The following RAB4B variants were observed in gnomAD, a reference collection of about 807,000 sequenced individuals.
RAB4B encodes ras-related protein Rab-4B.
Under a neutral mutation model 28.3 loss-of-function variants are expected in RAB4B, and 15 were observed. The observed-to-expected ratio is 0.53, with a 90% CI of 0.35 to 0.82. The LOEUF (loss-of-function observed/expected upper bound fraction) is 0.82. Ranked by LOEUF, RAB4B falls within the 40% of genes least tolerant of loss-of-function variation. The pLI is 0.01. For synonymous variants in RAB4B, 108 were observed against 116.3 expected (o/e 0.93, Z 0.46); for missense variants, 244 against 288.5 (o/e 0.85, Z 1.12).
chr19:40,790,736 C>T (rs191873410), intron 7 of RAB4B, among the ~76,000 whole-genome samples: 11 of 147,730 alleles, frequency 7.4e-5, no homozygotes, highest in African/African-American at 2.0e-4. Context: ...GGCTAGAGTG[C>T]AGTGGCGCCA....
chr19:40,793,084 G>A (rs547807335), intron 7 of RAB4B, among the ~76,000 whole-genome samples: 34 of 151,634 alleles, frequency 2.2e-4, no homozygotes, highest in Admixed American at 1.1e-3. Context: ...GCCTCAGAAC[G>A]TTTTCATTAC....
chr19:40,790,937 C>A (rs1305379092), intron 7 of RAB4B, among the ~76,000 whole-genome samples: 1 of 150,044 alleles, frequency 6.7e-6, no homozygotes, highest in Non-Finnish European at 1.5e-5. Context: ...CTCACTGCAA[C>A]CTCCGCCTCC....
At chr19:40,782,576 G>A (rs2083058820) in intron 3 of RAB4B, among the ~76,000 whole-genome samples, 1 of 152,160 alleles carries the variant, frequency 6.6e-6, no homozygotes, top group Non-Finnish European at 1.5e-5. Flanking sequence ...ACTTTGGGAG[G>A]CCTAGGCGGG....
intron 1 of RAB4B, chr19:40,779,078 C>T (rs1350597015): frequency 8.3e-6 from 8 of 961,388 alleles, no homozygotes; most frequent in Non-Finnish European, 9.9e-6. Context: ...TTGTCATTTT[C>T]AGGGAATAGA....
At chr19:40,783,338 G>A (rs1254529037) in intron 3 of RAB4B, among the ~76,000 whole-genome samples, 2 of 151,890 alleles carry the variant, frequency 1.3e-5, no homozygotes, top group East Asian at 3.9e-4. Flanking sequence ...ATAGGCTGAG[G>A]TGGGAGGATC....
rs1356005741 is a variant in RAB4B, at chr19:40,778,367, G to T, written c.-9G>T. ...CCATATTGCGGCCCTCAGCGGCCGC[G>T]ACCGAGTCATGGCTGAGACCTACGG... On this transcript the variant is annotated 5_prime_UTR_variant, in exon 1 of 8. Transcript: ENST00000357052. 4 of 1,485,012 alleles carry T rather than the reference G, an allele frequency of 2.7e-6. No homozygotes were observed. The highest frequency in any genetic ancestry group is 3.6e-6 in the Non-Finnish European group (4 of 1,125,912). The allele number at this position is 1,485,012 out of a possible 1,614,324, so 92.0% of individuals were successfully genotyped here.
Position 40,778,296 on chromosome 19 carries a change from C to T in RAB4B, c.-80C>T. 2.2e-6 allele frequency: 3 copies of T among 1,390,198 alleles called. No homozygotes were observed. The highest frequency in any genetic ancestry group is 2.9e-6 in the Non-Finnish European group (3 of 1,041,532). The allele number at this position is 1,390,198 out of a possible 1,614,324, so 86.1% of individuals were successfully genotyped here. A position where few individuals can be genotyped will look rare whatever the true frequency, so the allele number is the denominator to read the frequency against. On this transcript the variant is annotated 5_prime_UTR_variant, in exon 1 of 8. Transcript: ENST00000357052. The stretch of plus-strand genomic sequence containing the variant: ...GAGTAGGAAGGAGCCGGGGCTGTAG[C>T]CGGAGTGGAGCGGCTGCCAGCCGAG...
At chr19:40,783,163 A>AG (rs2083065767) in intron 3 of RAB4B, among the ~76,000 whole-genome samples, 1 of 151,246 alleles carries the variant, frequency 6.6e-6, no homozygotes, top group Middle Eastern at 3.4e-3. Flanking sequence ...AAAAAAAAAA[A>AG]AAAAAAAAAG....
At chr19:40,780,565 T>C (rs1266199278) in intron 3 of RAB4B, 66 bp downstream of exon 3, 1 of 1,378,818 alleles carries the variant, frequency 7.3e-7, no homozygotes, top group Non-Finnish European at 1.0e-6. Context: ...GAGATGTGTG[T>C]GTAGAGTCAC....
Position 40,793,565 on chromosome 19 carries a change from CTTTTT to C in RAB4B, c.*16-3003_*16-2999del, listed in dbSNP as rs1269603015. On this transcript the variant is annotated intron_variant, in intron 7 of 7. Transcript: ENST00000357052. ...CTCTTTTCCTTTTTTCTTTTCTTTTCTTTTTTGTTTTTTTTTTTTTTTTTTTTTTT... is the reference window on the plus strand; with the variant it reads ...CTCTTTTCCTTTTTTCTTTTCTTTTCTGTTTTTTTTTTTTTTTTTTTTTTT... Among the ~76,000 whole-genome samples the C allele has an allele frequency of 2.2e-4, 27 of 123,870 alleles. No homozygotes were observed. The South Asian group carries it at 5.2e-3, about 24-fold the overall frequency. 81.3% of individuals were successfully genotyped at this position (123,870 alleles called of 152,430 possible). A position where few individuals can be genotyped will look rare whatever the true frequency, so the allele number is the denominator to read the frequency against.
intron 1 of RAB4B, chr19:40,779,183 T>G (rs2083024238): frequency 4.3e-6 from 1 of 233,288 alleles, no homozygotes; most frequent in Non-Finnish European, 7.0e-6. Context: ...TTTAAATAGC[T>G]TTCAAGAGAC....
intron 7 of RAB4B, among the ~76,000 whole-genome samples, chr19:40,789,898 A>G (rs1217605127): frequency 3.3e-5 from 5 of 152,192 alleles, no homozygotes; most frequent in Non-Finnish European, 5.9e-5. Context: ...GATCTGGGGC[A>G]AGAGCACTGC....
chr19:40,782,917 T>A (rs1484266649), intron 3 of RAB4B, among the ~76,000 whole-genome samples: 1 of 151,876 alleles, frequency 6.6e-6, no homozygotes, highest in Admixed American at 6.6e-5. Flanking sequence ...GGTGGGCGGA[T>A]CACTTGAGCT....
intron 7 of RAB4B, among the ~76,000 whole-genome samples, chr19:40,791,695 G>A (rs1355677851): frequency 1.3e-5 from 2 of 151,942 alleles, no homozygotes; most frequent in African/African-American, 2.4e-5. Context: ...GTGCAGTGGC[G>A]TGATTTCGGC....
chr19:40,786,441 G>A (rs2083099965), intron 5 of RAB4B: 1 of 574,830 alleles, frequency 1.7e-6, no homozygotes, highest in South Asian at 1.9e-5. Flanking sequence ...AGTCAGGGAG[G>A]ACTTCTTGGA....
chr19:40,782,090 C>T (rs1467775488), intron 3 of RAB4B, among the ~76,000 whole-genome samples: 1 of 150,168 alleles, frequency 6.7e-6, no homozygotes, highest in Non-Finnish European at 1.5e-5. Flanking sequence ...AGAGGGAATT[C>T]AGTCCACGGA....
intron 3 of RAB4B, among the ~76,000 whole-genome samples, chr19:40,782,684 A>C (rs969435641): frequency 1.3e-5 from 2 of 151,888 alleles, no homozygotes; most frequent in African/African-American, 4.8e-5. Flanking sequence ...GTGGTGGTGC[A>C]TGCCTGTAAT....
chr19:40,780,253 T>G (rs2083034180), intron 2 of RAB4B, 132 bp from the exon 3 acceptor site: 2 of 1,439,792 alleles, frequency 1.4e-6, no homozygotes, highest in Non-Finnish European at 1.9e-6. Flanking sequence ...CTTTACTAGG[T>G]TCTCCTTGAC....
intron 3 of RAB4B, among the ~76,000 whole-genome samples, chr19:40,780,862 G>A (rs1378305187): frequency 6.6e-6 from 1 of 151,778 alleles, no homozygotes; most frequent in Non-Finnish European, 1.5e-5. Flanking sequence ...TGGGGGTGGG[G>A]AAAGGGATGG....
Sources: allele counts gnomAD v4.1 joint callset (sites outside exome capture counted in the v4.1 genomes callset), GRCh38; gene constraint gnomAD v4.1.1; transcripts MANE v1.5; gene names NCBI Gene and HGNC (gene_info 2026-07-23, HGNC 2026-07-21).